REV3L: variants seen among roughly 807,000 people sequenced by gnomAD.
REV3L encodes the protein REV3 like, DNA directed polymerase zeta catalytic subunit.
In REV3L, 69 loss-of-function variants were observed where a neutral mutation model predicts 299.4. The observed-to-expected ratio is 0.23, with a 90% CI of 0.19 to 0.28. The LOEUF (loss-of-function observed/expected upper bound fraction) is 0.28, where lower values mean the gene tolerates loss of function less well. Among genes scored for constraint, REV3L ranks in the 10% least tolerant of loss-of-function variants. The pLI is 1.00. For missense variants in REV3L, 3,128 were observed against 3,693.8 expected (o/e 0.85, Z 3.97); for synonymous variants, 1,238 against 1,271.4 (o/e 0.97, Z 0.56).
Position 111,333,384 on chromosome 6 carries a change from A to G in REV3L, c.7681-17T>C, listed in dbSNP as rs1393864823. On this transcript the variant is annotated splice_polypyrimidine_tract_variant and intron_variant, in intron 22 of 31. Transcript: ENST00000368802. ...CACACGGTACTGCAGGGAGAAAGGG[A>G]GGTGAGAAGAGAAGAAACACAGTTA... 1 of 1,611,302 alleles carries G rather than the reference A, an allele frequency of 6.2e-7. No individual in the cohort carries two copies. Among genetic ancestry groups the G allele is most frequent in the Non-Finnish European group, 8.5e-7 (1 of 1,177,966 alleles).
intron 1 of REV3L, among the ~76,000 whole-genome samples, chr6:111,462,959 G>T (rs1790978727): frequency 6.6e-6 from 1 of 151,682 alleles, no homozygotes; most frequent in South Asian, 2.1e-4. Flanking sequence ...TGCAATTCGG[G>T]GGCTAGTATC....
intron 2 of REV3L, among the ~76,000 whole-genome samples, chr6:111,413,660 T>TG (rs1488726015): frequency 2.0e-5 from 3 of 151,354 alleles, no homozygotes; most frequent in Non-Finnish European, 4.4e-5. Flanking sequence ...GTAGAATGAA[T>TG]GGGAAGGAAA....
chr6:111,437,428 T>C (rs763795869), intron 1 of REV3L, among the ~76,000 whole-genome samples: 2 of 151,952 alleles, frequency 1.3e-5, no homozygotes, highest in Admixed American at 6.6e-5. Context: ...GAAGTGCTGA[T>C]AAATGCTATA....
At chr6:111,416,607 G>C (rs1784791007) in intron 1 of REV3L, 135 bp from the exon 2 acceptor site, 3 of 665,382 alleles carry the variant, frequency 4.5e-6, no homozygotes, top group Admixed American at 5.8e-5. Flanking sequence ...TTAACCCATA[G>C]TTCAAAGTAA....
intron 1 of REV3L, among the ~76,000 whole-genome samples, chr6:111,443,922 A>G (rs879616041): frequency 6.6e-6 from 1 of 152,238 alleles, no homozygotes; most frequent in Non-Finnish European, 1.5e-5. Flanking sequence ...GTTTTATAAA[A>G]AGGAGTTAAT....
rs1016787575 is a variant in REV3L at position 111,351,850 on chromosome 6, A to G, written c.7185-59T>C. 1.6e-5 allele frequency: 18 copies of G among 1,146,296 alleles called. No individual in the cohort carries two copies. In the African/African-American group the frequency reaches 2.0e-4, roughly 13 times the overall value. The allele number at this position is 1,146,296 out of a possible 1,614,324, so 71.0% of individuals were successfully genotyped here. ...CCATACATTTGAACCTTTAACCAGA[A>G]TAATTGTTTCTTCATGATATAAGGT... On this transcript the variant is annotated intron_variant, in intron 18 of 31. Coordinates refer to ENST00000368802, the MANE Select transcript of REV3L (RefSeq NM_001372078.1).
chr6:111,325,473 C>A (rs148738354), intron 25 of REV3L, among the ~76,000 whole-genome samples: 2 of 152,168 alleles, frequency 1.3e-5, no homozygotes, highest in Non-Finnish European at 2.9e-5. Flanking sequence ...CATTAACCTA[C>A]AACTATTAGC....
intron 4 of REV3L, among the ~76,000 whole-genome samples, chr6:111,393,313 G>A (rs1281048398): frequency 2.6e-5 from 4 of 151,988 alleles, no homozygotes; most frequent in African/African-American, 7.2e-5. Flanking sequence ...CACCATGCCC[G>A]GCTGGTAAAT....
rs538068236 is a variant in REV3L at position 111,418,682 on chromosome 6, C to A, written c.140-2210G>T. Among the ~76,000 whole-genome samples, 27 of 152,304 alleles carry A rather than the reference C, an allele frequency of 1.8e-4. No individual in the cohort carries two copies. In the South Asian group the frequency reaches 5.2e-3, roughly 29 times the overall value. On this transcript the variant is annotated intron_variant, in intron 1 of 31. Coordinates refer to ENST00000368802, the MANE Select transcript of REV3L (RefSeq NM_001372078.1). ...TAAAACCAATACTCTTTCCATTTAA[C>A]CATGCTGGTTCAATGTTTTTAAAAA...
rs1329198422 is a variant in REV3L at position 111,375,192 on chromosome 6, C to T, written c.3163G>A (p.Ala1055Thr). The T allele has an allele frequency of 3.1e-6, 5 of 1,609,840 alleles. No individual in the cohort carries two copies. The highest frequency in any genetic ancestry group is 4.2e-6 in the Non-Finnish European group (5 of 1,179,088). ...SHRRKSKHKS[A>T]KKKTGKQQRT... ...TGTTGTTTACCAGTTTTTTTCTTAG[C>T]AGATTTATGTTTTGACTTTCTTCTG... Residue 1055 changes from alanine (A) to threonine (T), a missense_variant, in exon 13 of 32, where the codon GCT becomes ACT. Around this residue, in one of 9 missense-constraint regions of REV3L, gnomAD observed 2,409 missense variants for 2,611.8 expected, o/e 0.92. Coordinates refer to ENST00000368802, the MANE Select transcript of REV3L (RefSeq NM_001372078.1).
At chr6:111,390,986 T>C (rs939813701) in intron 5 of REV3L, among the ~76,000 whole-genome samples, 1 of 151,958 alleles carries the variant, frequency 6.6e-6, no homozygotes, top group Non-Finnish European at 1.5e-5. Context: ...GGACACCAAG[T>C]GGAAAAGGGG....
chr6:111,308,494 G>A (rs1772592933), intron 30 of REV3L, among the ~76,000 whole-genome samples: 1 of 152,186 alleles, frequency 6.6e-6, no homozygotes, highest in South Asian at 2.1e-4. Context: ...CAGAATGGTT[G>A]TATGGGTACT....
intron 1 of REV3L, among the ~76,000 whole-genome samples, chr6:111,419,965 C>T (rs898632676): frequency 6.6e-6 from 1 of 152,136 alleles, no homozygotes; most frequent in African/African-American, 2.4e-5. Context: ...CTGCCTCAGC[C>T]TCCGGAGTAG....
At chr6:111,380,244 C>A in intron 10 of REV3L, 25 bp from the exon 11 acceptor site, 2 of 1,491,358 alleles carry the variant, frequency 1.3e-6, no homozygotes, top group Non-Finnish European at 9.2e-7. Flanking sequence ...CAATAATCAC[C>A]AACAAATAAG....
chr6:111,368,085 T>C (rs757264433), intron 13 of REV3L, 57 bp from the exon 14 acceptor site: 23 of 1,407,084 alleles, frequency 1.6e-5, no homozygotes, highest in Non-Finnish European at 2.2e-5. Context: ...TACCAAAATA[T>C]TTAACTCCAT....
intron 20 of REV3L, among the ~76,000 whole-genome samples, chr6:111,344,364 T>C (rs1307313834): frequency 2.7e-5 from 4 of 145,674 alleles, no homozygotes; most frequent in African/African-American, 7.4e-5. Context: ...GACAGAAGCA[T>C]TGTCAAGCAA....
chr6:111,480,186 T>C (rs1441725026), intron 1 of REV3L, among the ~76,000 whole-genome samples: 1 of 152,222 alleles, frequency 6.6e-6, no homozygotes, highest in Non-Finnish European at 1.5e-5. Context: ...AAGTAATTCT[T>C]ATATATGAAA....
chr6:111,426,433 C>T (rs527631906), intron 1 of REV3L, among the ~76,000 whole-genome samples: 7 of 152,228 alleles, frequency 4.6e-5, no homozygotes, highest in South Asian at 4.1e-4. Flanking sequence ...CTTTATGGAA[C>T]GGAACTAGAA....
intron 1 of REV3L, among the ~76,000 whole-genome samples, chr6:111,478,668 T>C (rs892095440): frequency 6.6e-6 from 1 of 151,948 alleles, no homozygotes; most frequent in Non-Finnish European, 1.5e-5. Context: ...GTTTCTTATA[T>C]TTAATTTTAT....
Sources: gnomAD v4.1 joint callset for allele counts (sites outside exome capture counted in the v4.1 genomes callset) on GRCh38, gnomAD v4.1.1 for gene constraint, gnomAD v4.1.1 regional missense constraint, MANE v1.5 for transcripts, NCBI Gene and HGNC (gene_info 2026-07-23, HGNC 2026-07-21) for gene names.